IGF1: variants seen among roughly 807,000 people sequenced by gnomAD.
IGF1 encodes insulin like growth factor 1.
A neutral mutation model predicts 13.8 loss-of-function variants in IGF1; 4 were observed. The ratio of observed to expected loss-of-function variants is 0.29; its 90% CI spans 0.14 to 0.66. The LOEUF (loss-of-function observed/expected upper bound fraction) is 0.66, where lower values mean the gene tolerates loss of function less well. Ranked by LOEUF, IGF1 falls within the 30% of genes least tolerant of loss-of-function variation. The pLI, the probability that IGF1 is intolerant of heterozygous loss-of-function variation, is 0.78. For synonymous variants in IGF1, 76 were observed against 72.6 expected (o/e 1.05, Z -0.23); for missense variants, 124 against 188.5 (o/e 0.66, Z 2.00).
intron 1 of IGF1, among the ~76,000 whole-genome samples, chr12:102,477,021 G>GT (rs1344596383): frequency 6.6e-6 from 1 of 152,148 alleles, no homozygotes; most frequent in Non-Finnish European, 1.5e-5. Flanking sequence ...TAGGTGAGGG[G>GT]CGCTATTAAA....
intron 2 of IGF1, among the ~76,000 whole-genome samples, chr12:102,425,019 A>C (rs1450410074): frequency 3.9e-5 from 6 of 152,370 alleles, no homozygotes; most frequent in Non-Finnish European, 5.9e-5. Flanking sequence ...TTTTATGTTT[A>C]GAATAACATG....
At chr12:102,467,117 C>CT (rs2137230975) in intron 2 of IGF1, among the ~76,000 whole-genome samples, 1 of 152,266 alleles carries the variant, frequency 6.6e-6, no homozygotes, top group Non-Finnish European at 1.5e-5. Context: ...TTCTAAATCA[C>CT]TTGCCTCTGA....
At chr12:102,430,319 G>T (rs1295530456) in intron 2 of IGF1, among the ~76,000 whole-genome samples, 1 of 152,102 alleles carries the variant, frequency 6.6e-6, no homozygotes, top group Non-Finnish European at 1.5e-5. Flanking sequence ...TTCCCTTTGG[G>T]AAAAAGGAGA....
chr12:102,422,130 C>T (rs540129961), intron 2 of IGF1, among the ~76,000 whole-genome samples: 20 of 152,260 alleles, frequency 1.3e-4, no homozygotes, highest in African/African-American at 4.6e-4. Flanking sequence ...ACTCTGAGCT[C>T]ATGCTTTTTA....
intron 2 of IGF1, among the ~76,000 whole-genome samples, chr12:102,427,031 C>T (rs1397244679): frequency 6.6e-6 from 1 of 152,182 alleles, no homozygotes; most frequent in African/African-American, 2.4e-5. Context: ...AACCAGGGCT[C>T]CCTCTCCTGC....
At chr12:102,440,294 G>A (rs190120583) in intron 2 of IGF1, among the ~76,000 whole-genome samples, 73 of 152,314 alleles carry the variant, frequency 4.8e-4, no homozygotes, top group Admixed American at 1.1e-3. Context: ...CTTTGGTCCT[G>A]ATGGGCCTCC....
At chr12:102,410,001 G>T (rs557705237) in intron 3 of IGF1, among the ~76,000 whole-genome samples, 2 of 152,188 alleles carry the variant, frequency 1.3e-5, no homozygotes, top group Non-Finnish European at 2.9e-5. Flanking sequence ...TGAGTGCTGG[G>T]AGAGTGGACT....
chr12:102,478,721 G>A, intron 1 of IGF1: 1 of 1,199,330 alleles, frequency 8.3e-7, no homozygotes, highest in Admixed American at 3.3e-5. Flanking sequence ...TGGGATTTAA[G>A]TCAATCTTTT....
intron 3 of IGF1, among the ~76,000 whole-genome samples, chr12:102,408,233 T>G (rs1268682436): frequency 6.6e-6 from 1 of 152,196 alleles, no homozygotes; most frequent in Non-Finnish European, 1.5e-5. Context: ...TTGAAAGGGA[T>G]GTGCTATAGC....
At chr12:102,474,497 A>G (rs1831612273) in intron 2 of IGF1, among the ~76,000 whole-genome samples, 1 of 152,182 alleles carries the variant, frequency 6.6e-6, no homozygotes, top group South Asian at 2.1e-4. Context: ...CCAGACTGGT[A>G]TACACAGGCC....
intron 2 of IGF1, among the ~76,000 whole-genome samples, chr12:102,468,606 A>C (rs1880482088): frequency 6.6e-6 from 1 of 152,250 alleles, no homozygotes; most frequent in African/African-American, 2.4e-5. Context: ...ATAGATAAAG[A>C]CAAACAAAAT....
At chr12:102,475,544 G>A (rs746825707) in intron 2 of IGF1, 99 bp downstream of exon 2, 21 of 1,339,792 alleles carry the variant, frequency 1.6e-5, no homozygotes, top group African/African-American at 4.3e-5. Flanking sequence ...TGCCAGATAC[G>A]GGCACTCATT....
chr12:102,418,133 T>C, intron 3 of IGF1: 1 of 890,774 alleles, frequency 1.1e-6, no homozygotes, highest in Non-Finnish European at 1.6e-6. Context: ...GGTCTAGACC[T>C]CAGTCACAAG....
Position 102,476,281 on chromosome 12 carries a change from A to G in IGF1, c.64-482T>C, listed in dbSNP as rs190729872. ...TAGATGGTATATGCATTCATTATTG[A>G]GCAGAATATTTTTAACCAAAACATC... On this transcript the variant is annotated intron_variant, in intron 1 of 3. Coordinates refer to ENST00000337514, the MANE Select transcript of IGF1 (RefSeq NM_000618.5). Among the ~76,000 whole-genome samples the G allele has an allele frequency of 2.5e-3, 388 of 152,274 alleles. 2 individuals are homozygous for G. Among genetic ancestry groups the G allele is most frequent in the Middle Eastern group, 3.4e-3 (1 of 294 alleles).
intron 2 of IGF1, among the ~76,000 whole-genome samples, chr12:102,441,528 G>A (rs1409204519): frequency 6.6e-6 from 1 of 152,204 alleles, no homozygotes; most frequent in Non-Finnish European, 1.5e-5. Context: ...GTGGGAGTGG[G>A]CCATATTTGG....
At chr12:102,403,251 A>AAT (rs1013229379) in intron 3 of IGF1, among the ~76,000 whole-genome samples, 1 of 152,272 alleles carries the variant, frequency 6.6e-6, no homozygotes, top group South Asian at 2.1e-4. Flanking sequence ...TTAAATAATT[A>AAT]ATATATATAA....
chr12:102,468,616 T>C (rs1880483169), intron 2 of IGF1, among the ~76,000 whole-genome samples: 1 of 152,132 alleles, frequency 6.6e-6, no homozygotes. Context: ...ACAAACAAAA[T>C]GTTGTGTTGT....
chr12:102,455,359 A>G (rs1277900806), intron 2 of IGF1, among the ~76,000 whole-genome samples: 5 of 152,264 alleles, frequency 3.3e-5, no homozygotes, highest in African/African-American at 1.2e-4. Flanking sequence ...GAGAGGTCAC[A>G]CACAGAAACA....
At position 102,434,283 on chromosome 12, in the gene IGF1, A is replaced by G. The variant is rs530402960; in HGVS notation, c.221-14593T>C. On this transcript the variant is annotated intron_variant, in intron 2 of 3. Coordinates refer to ENST00000337514, the MANE Select transcript of IGF1 (RefSeq NM_000618.5). ...CATCTAGCATTAGGTATATCTCCCA[A>G]TGCTATCCCTCCCCCCTCCCCCCAC... Among the ~76,000 whole-genome samples, 10 of 136,230 alleles carry G rather than the reference A, an allele frequency of 7.3e-5. No individual in the cohort carries two copies. In the South Asian group the frequency reaches 8.3e-4, roughly 11 times the overall value. The allele number at this position is 136,230 out of a possible 152,430, so 89.4% of individuals were successfully genotyped here. A position where few individuals can be genotyped will look rare whatever the true frequency, so the allele number is the denominator to read the frequency against.
Sources: gnomAD v4.1 joint callset for allele counts (sites outside exome capture counted in the v4.1 genomes callset) on GRCh38, gnomAD v4.1.1 for gene constraint, MANE v1.5 for transcripts, NCBI Gene and HGNC (gene_info 2026-07-23, HGNC 2026-07-21) for gene names.